ACVR2A: variants seen among roughly 807,000 people sequenced by gnomAD.
ACVR2A encodes the protein activin A receptor type 2A.
Under a neutral mutation model 61.4 loss-of-function variants are expected in ACVR2A, and 7 were observed. That is an observed-to-expected ratio of 0.11 (90% CI 0.06 to 0.21). The LOEUF (loss-of-function observed/expected upper bound fraction) is 0.21, where lower values mean the gene tolerates loss of function less well. Ranked by LOEUF, ACVR2A falls within the 10% of genes least tolerant of loss-of-function variation. The probability of loss-of-function intolerance (pLI) is 1.00; values close to 1 mark genes in which losing one functional copy is unlikely to be tolerated. For synonymous variants in ACVR2A, 193 were observed against 208.3 expected, an observed-to-expected ratio of 0.93 and a Z score of 0.63; for missense variants, 322 against 621.7, an observed-to-expected ratio of 0.52 and a Z score of 5.13.
intron 1 of ACVR2A, among the ~76,000 whole-genome samples, chr2:147,849,143 C>T (rs990095635): frequency 4.6e-5 from 7 of 151,954 alleles, no homozygotes; most frequent in African/African-American, 1.7e-4. Context: ...CTCCTATCAC[C>T]GATTTTGATA....
intron 1 of ACVR2A, among the ~76,000 whole-genome samples, chr2:147,895,090 C>T (rs1421941766): frequency 3.3e-5 from 5 of 151,988 alleles, no homozygotes; most frequent in East Asian, 3.9e-4. Flanking sequence ...TATGTACAAA[C>T]CAGTCTTTTA....
At chr2:147,911,254 A>T (rs1197447936) in intron 4 of ACVR2A, among the ~76,000 whole-genome samples, 1 of 152,110 alleles carries the variant, frequency 6.6e-6, no homozygotes, top group Admixed American at 6.6e-5. Context: ...GTTTGCAGGC[A>T]TGAAGTCATT....
chr2:147,880,432 A>G (rs1372958672), intron 1 of ACVR2A, among the ~76,000 whole-genome samples: 1 of 152,134 alleles, frequency 6.6e-6, no homozygotes, highest in Non-Finnish European at 1.5e-5. Context: ...TTTTAAGACA[A>G]AAATCTACTC....
At chr2:147,881,601 T>TTGTGTG (rs1686299619) in intron 1 of ACVR2A, among the ~76,000 whole-genome samples, 1 of 79,068 alleles carries the variant, frequency 1.3e-5, no homozygotes, top group Admixed American at 1.5e-4. Context: ...AGAAGCTGCT[T>TTGTGTG]AGTGTGTGTG....
At chr2:147,923,132 T>A (rs778961682) in intron 9 of ACVR2A, 21 bp downstream of exon 9, 2 of 1,597,420 alleles carry the variant, frequency 1.3e-6, no homozygotes, top group Non-Finnish European at 8.5e-7. Context: ...AAAATATTTT[T>A]AAAAAAGATA....
At chr2:147,916,278 AATAAG>A (rs572675669) in intron 5 of ACVR2A, among the ~76,000 whole-genome samples, 39 of 151,950 alleles carry the variant, frequency 2.6e-4, no homozygotes, top group African/African-American at 9.2e-4. Context: ...AAGATTCATA[AATAAG>A]ATAAGGGAAG....
chr2:147,877,442 T>C lies in ACVR2A; in HGVS notation c.56-18859T>C, dbSNP rs1276138105. The C allele has an allele frequency of 2.6e-5, 4 of 152,210 alleles. No homozygotes were observed. In the East Asian group the frequency reaches 7.7e-4, roughly 29 times the overall value. The allele number at this position is 152,210 out of a possible 1,614,324, so 9.4% of individuals were successfully genotyped here. On this transcript the variant is annotated intron_variant, in intron 1 of 10. Coordinates refer to ENST00000241416, the MANE Select transcript of ACVR2A (RefSeq NM_001616.5). ...GCAAGGTGCTTGCTTTGGCAGCACA[T>C]ATACTAATATCGGAATAATAGAGAA...
chr2:147,874,780 T>C (rs893696787), intron 1 of ACVR2A, among the ~76,000 whole-genome samples: 2 of 151,994 alleles, frequency 1.3e-5, no homozygotes, highest in Admixed American at 1.3e-4. Flanking sequence ...GGAATAATAA[T>C]ACCTATTCCT....
At chr2:147,844,843 G>A (rs1277276042), upstream of ACVR2A, 1 of 272,858 alleles carries the variant, frequency 3.7e-6, no homozygotes, top group Admixed American at 5.3e-5. Flanking sequence ...AGCTGACAGT[G>A]ATTTTGACAG....
intron 1 of ACVR2A, among the ~76,000 whole-genome samples, chr2:147,860,793 G>T (rs1261380721): frequency 6.6e-6 from 1 of 152,140 alleles, no homozygotes; most frequent in Non-Finnish European, 1.5e-5. Context: ...TTTACAATGG[G>T]AATTACTGTT....
Position 147,855,437 on chromosome 2 carries a change from T to G in ACVR2A, c.55+10230T>G, listed in dbSNP as rs1231479780. On this transcript the variant is annotated intron_variant, in intron 1 of 10. Transcript: ENST00000241416. ...AAATGGCAGTGTGAAGCAAAGAGTT[T>G]TAAGGAAGAGCAGATCTGGGTTATG... is the stretch of plus-strand genomic sequence containing the variant. Among the ~76,000 whole-genome samples, 4 of 152,282 alleles carry G rather than the reference T, an allele frequency of 2.6e-5. No individual in the cohort carries two copies. The East Asian group carries it at 7.7e-4, about 29-fold the overall frequency.
intron 1 of ACVR2A, among the ~76,000 whole-genome samples, chr2:147,865,822 A>ATT (rs1274548841): frequency 6.6e-6 from 1 of 152,214 alleles, no homozygotes; most frequent in Non-Finnish European, 1.5e-5. Flanking sequence ...GTAAACTAGC[A>ATT]TTTATGCAGC....
Position 147,923,125 on chromosome 2 carries a change from AT to A in ACVR2A, c.1216+15del, listed in dbSNP as rs760099056. ...CTGCTGCAGATGGTAAGGGAAAAAAATATTTTTAAAAAAGATATATATGCCT... is the reference window on the plus strand; with the variant it reads ...CTGCTGCAGATGGTAAGGGAAAAAAAATTTTTAAAAAAGATATATATGCCT... On this transcript the variant is annotated intron_variant, in intron 9 of 10. Transcript: ENST00000241416. The A allele has an allele frequency of 1.2e-6, 2 of 1,600,516 alleles. No homozygotes were observed. The highest frequency in any genetic ancestry group is 2.3e-5 in the South Asian group (2 of 88,694).
At chr2:147,847,722 C>G (rs145221048) in intron 1 of ACVR2A, among the ~76,000 whole-genome samples, 1 of 152,282 alleles carries the variant, frequency 6.6e-6, no homozygotes, top group African/African-American at 2.4e-5. Context: ...AATTTTGCCC[C>G]TATCCTGGAG....
chr2:147,912,585 GA>G (rs970941076), intron 4 of ACVR2A, among the ~76,000 whole-genome samples: 3 of 151,702 alleles, frequency 2.0e-5, no homozygotes, highest in Non-Finnish European at 2.9e-5. Context: ...ATCAAGTATT[GA>G]TTTTTTTGTG....
rs1573905877 is a variant in ACVR2A at position 147,845,035 on chromosome 2, G to A, written c.-118G>A. On this transcript the variant is annotated 5_prime_UTR_variant, in exon 1 of 11. Transcript: ENST00000241416. The stretch of plus-strand genomic sequence containing the variant: ...TTTTTTTTTTTTTTTTTTGGTCTGG[G>A]CTTCCGAATATGTTTTATGACGGTT... 1 of 158,308 alleles carries A rather than the reference G, an allele frequency of 6.3e-6. No individual in the cohort carries two copies. The highest frequency in any genetic ancestry group is 1.2e-5 in the Non-Finnish European group (1 of 84,810). 9.8% of individuals were successfully genotyped at this position (158,308 alleles called of 1,614,324 possible). A position where few individuals can be genotyped will look rare whatever the true frequency, so the allele number is the denominator to read the frequency against.
intron 4 of ACVR2A, among the ~76,000 whole-genome samples, chr2:147,906,418 A>G (rs1358213967): frequency 6.6e-6 from 1 of 152,138 alleles, no homozygotes; most frequent in Non-Finnish European, 1.5e-5. Context: ...GTGAAGTAAC[A>G]CAGGATGATT....
At chr2:147,868,795 A>G (rs538962457) in intron 1 of ACVR2A, among the ~76,000 whole-genome samples, 5 of 151,788 alleles carry the variant, frequency 3.3e-5, no homozygotes, top group African/African-American at 1.2e-4. Context: ...ACACCTGGCT[A>G]ATTTTTTAAT....
chr2:147,927,351 T>C lies in ACVR2A; in HGVS notation c.*77T>C, dbSNP rs1051695973. 64 of 1,345,580 alleles carry C rather than the reference T, an allele frequency of 4.8e-5. No homozygotes were observed. In the Middle Eastern group the frequency reaches 5.6e-4, roughly 12 times the overall value. 83.4% of individuals were successfully genotyped at this position (1,345,580 alleles called of 1,614,324 possible). On this transcript the variant is annotated 3_prime_UTR_variant, in exon 11 of 11. Transcript: ENST00000241416. ...TAAGCTAAAGAAACTGCTTACAGTT[T>C]ATTTTCTGTGTAAAATGAGTAGGAT...
Sources: gnomAD v4.1 joint callset for allele counts (sites outside exome capture counted in the v4.1 genomes callset) on GRCh38, gnomAD v4.1.1 for gene constraint, MANE v1.5 for transcripts, NCBI Gene and HGNC (gene_info 2026-07-23, HGNC 2026-07-21) for gene names.